The following LAMA2 variants were observed in gnomAD, a reference collection of about 807,000 sequenced individuals.
The protein encoded by LAMA2 is laminin subunit alpha-2.
LAMA2 carries 269 observed loss-of-function variants against 364.8 expected under a neutral mutation model. The observed-to-expected ratio is 0.74, with a 90% CI of 0.67 to 0.82. The LOEUF is 0.82. LAMA2 is among the 40% of genes least tolerant of loss of function. The pLI is 0.00. For missense variants in LAMA2, 3,807 were observed against 3,873.2 expected (o/e 0.98, Z 0.45); for synonymous variants, 1,379 against 1,370.6 (o/e 1.01, Z -0.14).
chr6:129,123,358 A>G (rs2114922632), intron 4 of LAMA2, among the ~76,000 whole-genome samples: 1 of 151,476 alleles, frequency 6.6e-6, no homozygotes, highest in Non-Finnish European at 1.5e-5. Context: ...ACACATATAT[A>G]TATGTGTGTG....
chr6:129,408,279 G>A lies in LAMA2; in HGVS notation c.5865+4320G>A, dbSNP rs78346649. Among the ~76,000 whole-genome samples, 1,927 of 152,182 alleles carry A rather than the reference G, an allele frequency of 0.013. 81 individuals are homozygous for A. The East Asian group carries it at 0.15, about 12-fold the overall frequency. ...CTTCTGGAGAACTTTGCCCCAGTCC[G>A]GCAAAGTATTGTCACCTAGTTGGCA... On this transcript the variant is annotated intron_variant, in intron 40 of 64. Transcript: ENST00000421865.
At chr6:129,218,163 T>C (rs543061122) in intron 12 of LAMA2, among the ~76,000 whole-genome samples, 13 of 152,298 alleles carry the variant, frequency 8.5e-5, no homozygotes, top group African/African-American at 2.9e-4. Context: ...AGTGTACTCA[T>C]ATATTATCAG....
At chr6:129,445,568 A>T in intron 44 of LAMA2, 99 bp from the exon 45 acceptor site, 1 of 998,772 alleles carries the variant, frequency 1.0e-6, no homozygotes, top group Non-Finnish European at 1.6e-6. Flanking sequence ...TTGTCACATT[A>T]ATAAGATGAA....
intron 12 of LAMA2, among the ~76,000 whole-genome samples, chr6:129,222,129 A>G (rs1042362125): frequency 1.3e-5 from 2 of 152,180 alleles, no homozygotes; most frequent in Non-Finnish European, 2.9e-5. Context: ...CTCATGTTCA[A>G]CTTCTTGGGT....
intron 33 of LAMA2, among the ~76,000 whole-genome samples, chr6:129,369,038 A>G (rs749454744): frequency 1.8e-4 from 28 of 152,340 alleles, no homozygotes; most frequent in Non-Finnish European, 4.1e-4. Context: ...AGGCTGTGCT[A>G]GATAACTTAA....
At chr6:129,436,855 A>C (rs1224045311) in intron 41 of LAMA2, 2 of 152,106 alleles carry the variant, frequency 1.3e-5, no homozygotes, top group African/African-American at 2.4e-5. Flanking sequence ...ACGTATTCTT[A>C]TATTTTCCTC....
In LAMA2 at chr6:128,907,521, A is replaced by C. The variant is rs554845471; in HGVS notation, c.112+24164A>C. On this transcript the variant is annotated intron_variant, in intron 1 of 64. Coordinates refer to ENST00000421865, the MANE Select transcript of LAMA2 (RefSeq NM_000426.4). Reference sequence around the variant, plus strand: ...CTTTGCTGAAGTTGCTTATCAGCTTAAGGAGATTTTGGACTGAGACAATGG... The same window carrying C: ...CTTTGCTGAAGTTGCTTATCAGCTTCAGGAGATTTTGGACTGAGACAATGG... Among the ~76,000 whole-genome samples, 383 of 152,222 alleles carry C rather than the reference A, an allele frequency of 2.5e-3. 2 individuals are homozygous for C. The highest frequency in any genetic ancestry group is 8.6e-3 in the African/African-American group (357 of 41,522).
At chr6:128,984,754 A>G (rs1373391586) in intron 1 of LAMA2, among the ~76,000 whole-genome samples, 1 of 152,076 alleles carries the variant, frequency 6.6e-6, no homozygotes, top group Non-Finnish European at 1.5e-5. Flanking sequence ...TTTGATGGCA[A>G]CACACATGGT....
At chr6:129,301,491 C>A (rs766219825) in intron 22 of LAMA2, among the ~76,000 whole-genome samples, 4 of 151,908 alleles carry the variant, frequency 2.6e-5, no homozygotes, top group Non-Finnish European at 4.4e-5. Flanking sequence ...ATATATAGGG[C>A]GCGAGTTACA....
chr6:129,480,733 C>A (rs1285143521), intron 54 of LAMA2, among the ~76,000 whole-genome samples: 3 of 152,096 alleles, frequency 2.0e-5, no homozygotes, highest in Admixed American at 2.0e-4. Context: ...TGAGAAAAAA[C>A]TAGACTATGC....
intron 1 of LAMA2, among the ~76,000 whole-genome samples, chr6:129,042,018 G>C (rs1787135759): frequency 8.5e-6 from 1 of 117,600 alleles, no homozygotes; most frequent in African/African-American, 3.4e-5. Flanking sequence ...AAAAAAAATA[G>C]TTAATGCCAG....
chr6:129,019,744 T>G (rs1785299504), intron 1 of LAMA2, among the ~76,000 whole-genome samples: 1 of 152,218 alleles, frequency 6.6e-6, no homozygotes, highest in Admixed American at 6.5e-5. Flanking sequence ...AACATTTAAC[T>G]GTGATATCCT....
At chr6:129,484,298 AGAGTGCCCTT>A (rs1467396780) in intron 55 of LAMA2, among the ~76,000 whole-genome samples, 2 of 152,218 alleles carry the variant, frequency 1.3e-5, no homozygotes, top group African/African-American at 4.8e-5. Flanking sequence ...TGTGAATCAA[AGAGTGCCCTT>A]GATCACTGCT....
At chr6:129,219,691 A>G (rs1783676289) in intron 12 of LAMA2, among the ~76,000 whole-genome samples, 1 of 142,504 alleles carries the variant, frequency 7.0e-6, no homozygotes, top group Non-Finnish European at 1.5e-5. Context: ...CATGGATGAA[A>G]TTGGAAATCA....
At chr6:129,060,901 G>A (rs541928056) in intron 3 of LAMA2, among the ~76,000 whole-genome samples, 10 of 152,240 alleles carry the variant, frequency 6.6e-5, no homozygotes, top group Admixed American at 5.2e-4. Context: ...GGGCCTCCTC[G>A]GGATATGAGG....
At chr6:129,390,262 C>G (rs1016944274) in intron 35 of LAMA2, among the ~76,000 whole-genome samples, 15 of 152,064 alleles carry the variant, frequency 9.9e-5, no homozygotes, top group African/African-American at 3.6e-4. Context: ...AGGTTTGTGG[C>G]AGGGCCTGAG....
intron 4 of LAMA2, among the ~76,000 whole-genome samples, chr6:129,113,089 T>C (rs946316536): frequency 7.2e-5 from 11 of 152,076 alleles, no homozygotes; most frequent in Non-Finnish European, 1.3e-4. Flanking sequence ...TTTAGCAGCA[T>C]AAGGAATAGA....
intron 1 of LAMA2, among the ~76,000 whole-genome samples, chr6:128,989,285 A>G (rs896186639): frequency 3.3e-5 from 5 of 152,222 alleles, no homozygotes; most frequent in Non-Finnish European, 7.3e-5. Flanking sequence ...AATGTAGAGA[A>G]GTTAAAGAGG....
intron 1 of LAMA2, among the ~76,000 whole-genome samples, chr6:128,979,301 C>T (rs1272837127): frequency 6.6e-6 from 1 of 152,168 alleles, no homozygotes; most frequent in Non-Finnish European, 1.5e-5. Flanking sequence ...TGCCTTATTT[C>T]CCAATGTCTC....
Sources: gnomAD v4.1 joint callset for allele counts (sites outside exome capture counted in the v4.1 genomes callset) on GRCh38, gnomAD v4.1.1 for gene constraint, MANE v1.5 for transcripts, NCBI Gene and HGNC (gene_info 2026-07-23, HGNC 2026-07-21) for gene names.